PPP1R12B: variants seen among roughly 807,000 people sequenced by gnomAD.
PPP1R12B encodes the protein protein phosphatase 1 regulatory subunit 12B.
Under a neutral mutation model 126.1 loss-of-function variants are expected in PPP1R12B, and 76 were observed. The observed-to-expected ratio is 0.60, with a 90% CI of 0.50 to 0.73. PPP1R12B has a LOEUF of 0.73. Ranked by LOEUF, PPP1R12B falls within the 30% of genes least tolerant of loss-of-function variation. The pLI is 0.00. For synonymous variants in PPP1R12B, 356 were observed against 434.7 expected (o/e 0.82, Z 2.25); for missense variants, 1,052 against 1,205.1 (o/e 0.87, Z 1.88).
chr1:202,388,942 G>T (rs1275155898), intron 1 of PPP1R12B, among the ~76,000 whole-genome samples: 1 of 152,078 alleles, frequency 6.6e-6, no homozygotes, highest in Non-Finnish European at 1.5e-5. Context: ...TAGATAAACA[G>T]ATAAATGAAA....
At chr1:202,433,921 A>G (rs1278327479) in intron 8 of PPP1R12B, among the ~76,000 whole-genome samples, 2 of 152,240 alleles carry the variant, frequency 1.3e-5, no homozygotes, top group Non-Finnish European at 2.9e-5. Flanking sequence ...TGCCTGGTAC[A>G]TAACAGGCAT....
intron 13 of PPP1R12B, among the ~76,000 whole-genome samples, chr1:202,470,810 T>C (rs1159524266): frequency 6.6e-6 from 1 of 150,998 alleles, no homozygotes; most frequent in Non-Finnish European, 1.5e-5. Flanking sequence ...GTGGCTGATG[T>C]GGGAGGATCA....
At chr1:202,394,164 C>G (rs1664557509) in intron 1 of PPP1R12B, among the ~76,000 whole-genome samples, 1 of 151,870 alleles carries the variant, frequency 6.6e-6, no homozygotes, top group Non-Finnish European at 1.5e-5. Context: ...TGGCGAAACC[C>G]CATCTCTACT....
chr1:202,436,468 G>A (rs1670831445), intron 9 of PPP1R12B, among the ~76,000 whole-genome samples: 8 of 152,036 alleles, frequency 5.3e-5, no homozygotes, highest in Admixed American at 5.2e-4. Flanking sequence ...AGTTGGAGAT[G>A]AGTGATTTAA....
At chr1:202,499,125 A>G (rs1358094207) in intron 18 of PPP1R12B, among the ~76,000 whole-genome samples, 3 of 152,210 alleles carry the variant, frequency 2.0e-5, no homozygotes, top group African/African-American at 4.8e-5. Context: ...GAACTTTTCC[A>G]TCACCTTAAA....
At chr1:202,441,992 A>C (rs1371849922) in intron 11 of PPP1R12B, among the ~76,000 whole-genome samples, 1 of 151,852 alleles carries the variant, frequency 6.6e-6, no homozygotes, top group Admixed American at 6.6e-5. Context: ...GAGTACAGGC[A>C]TGTGCCACCA....
chr1:202,548,802 CTCTCTCTATATATA>C (rs1178144983), intron 18 of PPP1R12B, among the ~76,000 whole-genome samples: 35 of 95,438 alleles, frequency 3.7e-4, no homozygotes, highest in African/African-American at 8.8e-4. Flanking sequence ...CTCTCTCTCT[CTCTCTCTATATATA>C]TATATATATA....
chr1:202,519,376 T>C (rs1682516486), intron 18 of PPP1R12B, among the ~76,000 whole-genome samples: 1 of 152,164 alleles, frequency 6.6e-6, no homozygotes, highest in African/African-American at 2.4e-5. Context: ...GCAATTCTCA[T>C]GCCTCCACCT....
At chr1:202,440,903 G>T (rs1374726843) in intron 11 of PPP1R12B, 115 bp downstream of exon 11, 7 of 793,360 alleles carry the variant, frequency 8.8e-6, no homozygotes, top group Non-Finnish European at 1.5e-5. Flanking sequence ...ACCACATTAT[G>T]AATTGTTTAT....
In PPP1R12B at chr1:202,350,856, G is replaced by A. The variant is rs180878037; in HGVS notation, c.291+1714G>A. ...GGCTGGTCTCAAACTCCTGACCTCAGGAGATCCACCCTCCTTGGCCTCCCA... is the reference window on the plus strand; with the variant it reads ...GGCTGGTCTCAAACTCCTGACCTCAAGAGATCCACCCTCCTTGGCCTCCCA... On this transcript the variant is annotated intron_variant, in intron 1 of 23. Coordinates refer to ENST00000608999, the MANE Select transcript of PPP1R12B (RefSeq NM_002481.4). Among the ~76,000 whole-genome samples, 407 of 151,920 alleles carry A rather than the reference G, an allele frequency of 2.7e-3. 2 individuals carry two copies. The highest frequency in any genetic ancestry group is 9.3e-3 in the African/African-American group (384 of 41,448).
intron 14 of PPP1R12B, among the ~76,000 whole-genome samples, chr1:202,491,087 A>C (rs1166261912): frequency 6.6e-6 from 1 of 152,082 alleles, no homozygotes; most frequent in Non-Finnish European, 1.5e-5. Flanking sequence ...AGCAGTGCAC[A>C]AGGGTTCTAA....
At chr1:202,533,986 G>A (rs762727313) in intron 18 of PPP1R12B, among the ~76,000 whole-genome samples, 6 of 152,100 alleles carry the variant, frequency 3.9e-5, no homozygotes, top group Non-Finnish European at 7.4e-5. Context: ...TTACAGTCAT[G>A]GTTGCCAAAT....
intron 18 of PPP1R12B, among the ~76,000 whole-genome samples, chr1:202,537,714 CTG>C (rs1288696008): frequency 6.6e-6 from 1 of 152,178 alleles, no homozygotes. Context: ...GGTCAGGAAA[CTG>C]TGTCTGATCA....
chr1:202,395,081 C>T (rs1320721238), intron 1 of PPP1R12B, among the ~76,000 whole-genome samples: 3 of 136,278 alleles, frequency 2.2e-5, no homozygotes, highest in Non-Finnish European at 3.1e-5. Context: ...GATGCCACTG[C>T]GCTCCAGCCT....
At chr1:202,542,269 C>T (rs1048199641) in intron 18 of PPP1R12B, among the ~76,000 whole-genome samples, 2 of 152,130 alleles carry the variant, frequency 1.3e-5, no homozygotes, top group Non-Finnish European at 2.9e-5. Flanking sequence ...GTGTTGTGCT[C>T]ATATGTCTTT....
intron 1 of PPP1R12B, among the ~76,000 whole-genome samples, chr1:202,356,433 G>A (rs1657112496): frequency 6.6e-6 from 1 of 152,046 alleles, no homozygotes; most frequent in African/African-American, 2.4e-5. Context: ...TGGAAGATGT[G>A]GTAGGCTGAC....
intron 18 of PPP1R12B, among the ~76,000 whole-genome samples, chr1:202,532,258 C>G (rs1451939669): frequency 6.6e-6 from 1 of 152,130 alleles, no homozygotes; most frequent in Non-Finnish European, 1.5e-5. Context: ...AGAGGTCACT[C>G]TCATTGCCAT....
At chr1:202,561,140 G>C (rs991044159) in intron 19 of PPP1R12B, among the ~76,000 whole-genome samples, 6 of 151,784 alleles carry the variant, frequency 4.0e-5, no homozygotes, top group African/African-American at 1.4e-4. Context: ...CAAAAAAAAA[G>C]AAAAATAACC....
At chr1:202,510,316 G>A (rs569699912) in intron 18 of PPP1R12B, among the ~76,000 whole-genome samples, 42 of 152,228 alleles carry the variant, frequency 2.8e-4, no homozygotes, top group African/African-American at 9.4e-4. Flanking sequence ...GCAATCACTG[G>A]GGTTATTTGT....
Sources: gnomAD v4.1 joint callset for allele counts (sites outside exome capture counted in the v4.1 genomes callset) on GRCh38, gnomAD v4.1.1 for gene constraint, MANE v1.5 for transcripts, NCBI Gene and HGNC (gene_info 2026-07-23, HGNC 2026-07-21) for gene names.